ASF1A: variants seen among roughly 807,000 people sequenced by gnomAD.
ASF1A encodes anti-silencing function 1A histone chaperone.
Under a neutral mutation model 22.0 loss-of-function variants are expected in ASF1A, and 5 were observed. That is an observed-to-expected ratio of 0.23 (90% CI 0.12 to 0.48). The LOEUF is 0.48. Ranked by LOEUF, ASF1A falls within the 20% of genes least tolerant of loss-of-function variation. The pLI, the probability that ASF1A is intolerant of heterozygous loss-of-function variation, is 0.99. For missense variants in ASF1A, 137 were observed against 240.6 expected (o/e 0.57, Z 2.85); for synonymous variants, 97 against 86.7 (o/e 1.12, Z -0.66).
chr6:118,894,546 G>A (rs1341863513), intron 1 of ASF1A, 24 bp downstream of exon 1: 3 of 1,522,288 alleles, frequency 2.0e-6, no homozygotes, highest in South Asian at 2.4e-5. Flanking sequence ...CCGTGCGCCC[G>A]GGCTGTCAGT....
chr6:118,900,565 A>G (rs764197820), intron 1 of ASF1A, among the ~76,000 whole-genome samples: 1 of 152,208 alleles, frequency 6.6e-6, no homozygotes, highest in Non-Finnish European at 1.5e-5. Flanking sequence ...GTGTTTCACA[A>G]AAGAGTATTT....
At chr6:118,896,478 G>T (rs922258512) in intron 1 of ASF1A, among the ~76,000 whole-genome samples, 1 of 152,096 alleles carries the variant, frequency 6.6e-6, no homozygotes, top group Non-Finnish European at 1.5e-5. Flanking sequence ...ACATTGCATA[G>T]ATGAAACCAG....
intron 2 of ASF1A, among the ~76,000 whole-genome samples, chr6:118,901,794 AC>A (rs1779813126): frequency 6.6e-6 from 1 of 152,198 alleles, no homozygotes; most frequent in Non-Finnish European, 1.5e-5. Context: ...GTTAAGTGGA[AC>A]TCACTGAAAA....
Position 118,894,479 on chromosome 6 carries a change from C to T in ASF1A, c.66C>T (p.Phe22=), listed in dbSNP as rs959866496. The T allele has an allele frequency of 4.6e-6, 7 of 1,537,074 alleles. No individual in the cohort carries two copies. Residue 22 remains phenylalanine (F), a synonymous_variant, in exon 1 of 4, where the codon TTC becomes TTT. Transcript: ENST00000229595. ...ACCCTTCTCCTTTCTACAACCCGTT[C>T]CAGTTCGAGATCACCTTCGAGTGCA... The part of the protein sequence containing the change: ...LDNPSPFYNP[F]QFEITFECIE...
At chr6:118,901,647 A>G (rs1779803737) in intron 2 of ASF1A, among the ~76,000 whole-genome samples, 1 of 152,210 alleles carries the variant, frequency 6.6e-6, no homozygotes, top group Admixed American at 6.5e-5. Flanking sequence ...ATATGGAACC[A>G]TTCAGTTATT....
chr6:118,905,834 G>A lies in ASF1A; in HGVS notation c.402+6G>A, dbSNP rs1341504353. ...TAAAACCAGACTTTTCTAAGGTAAT[G>A]TTCTTACTATTCCTTTTTAACTACT... On this transcript the variant is annotated splice_donor_region_variant and intron_variant, in intron 3 of 3. Coordinates refer to ENST00000229595, the MANE Select transcript of ASF1A (RefSeq NM_014034.3). 8 of 1,575,200 alleles carry A rather than the reference G, an allele frequency of 5.1e-6. No homozygotes were observed. The highest frequency in any genetic ancestry group is 6.9e-6 in the Non-Finnish European group (8 of 1,156,760).
At chr6:118,896,940 CA>C (rs1297802864) in intron 1 of ASF1A, among the ~76,000 whole-genome samples, 1 of 152,078 alleles carries the variant, frequency 6.6e-6, no homozygotes, top group African/African-American at 2.4e-5. Flanking sequence ...TGGGCTTAAG[CA>C]ATCCTCCCAC....
intron 1 of ASF1A, among the ~76,000 whole-genome samples, chr6:118,899,741 A>G (rs1310851148): frequency 6.6e-6 from 1 of 152,250 alleles, no homozygotes; most frequent in Non-Finnish European, 1.5e-5. Context: ...GGGAACAAAA[A>G]TATCTACAGT....
At chr6:118,896,335 T>C (rs184491746) in intron 1 of ASF1A, among the ~76,000 whole-genome samples, 64 of 152,280 alleles carry the variant, frequency 4.2e-4, no homozygotes, top group African/African-American at 1.5e-3. Context: ...TTCCAACTTA[T>C]ACCACACTGT....
At chr6:118,896,070 A>G (rs1431652356) in intron 1 of ASF1A, among the ~76,000 whole-genome samples, 1 of 150,394 alleles carries the variant, frequency 6.6e-6, no homozygotes, top group African/African-American at 2.4e-5. Flanking sequence ...ACCTATATAG[A>G]GCATAAATGC....
intron 1 of ASF1A, among the ~76,000 whole-genome samples, chr6:118,895,911 CAA>C (rs1329030199): frequency 2.0e-5 from 3 of 151,894 alleles, no homozygotes; most frequent in African/African-American, 7.3e-5. Flanking sequence ...AATTATAAAA[CAA>C]TATATATTCA....
chr6:118,905,512 C>A (rs186869737), intron 2 of ASF1A, 140 bp from the exon 3 acceptor site: 1 of 605,262 alleles, frequency 1.7e-6, no homozygotes, highest in Non-Finnish European at 2.8e-6. Context: ...CAGAAATGAG[C>A]ATTTTCCTTC....
At chr6:118,901,148 C>T (rs1583600774) in intron 2 of ASF1A, 1 of 258,314 alleles carries the variant, frequency 3.9e-6, no homozygotes, top group East Asian at 7.5e-5. Flanking sequence ...TGTATCATGG[C>T]ACACAGGGTG....
At chr6:118,902,024 T>C (rs544925218) in intron 2 of ASF1A, among the ~76,000 whole-genome samples, 2 of 152,334 alleles carry the variant, frequency 1.3e-5, no homozygotes, top group East Asian at 3.9e-4. Context: ...TTAGTACTTT[T>C]GATTAAAAAG....
intron 2 of ASF1A, among the ~76,000 whole-genome samples, chr6:118,904,701 A>C (rs1780052453): frequency 6.6e-6 from 1 of 152,252 alleles, no homozygotes; most frequent in African/African-American, 2.4e-5. Context: ...AGCAATCCTT[A>C]CCTTCACTGG....
intron 1 of ASF1A, among the ~76,000 whole-genome samples, chr6:118,894,852 C>T (rs1000081099): frequency 6.6e-6 from 1 of 152,128 alleles, no homozygotes; most frequent in Non-Finnish European, 1.5e-5. Flanking sequence ...CGGGCTGGCT[C>T]CGCGCCGCCA....
chr6:118,901,156 G>T (rs531137536), intron 2 of ASF1A: 15 of 240,442 alleles, frequency 6.2e-5, no homozygotes, highest in Non-Finnish European at 8.0e-5. Context: ...GGCACACAGG[G>T]TGGTGAATTT....
intron 1 of ASF1A, 113 bp downstream of exon 1, chr6:118,894,635 C>A: frequency 1.0e-6 from 1 of 963,242 alleles, no homozygotes; most frequent in East Asian, 2.7e-5. Flanking sequence ...CGGCCGCGGG[C>A]TGCTCTGCGG....
chr6:118,900,931 C>A, intron 2 of ASF1A, 50 bp downstream of exon 2: 1 of 1,227,910 alleles, frequency 8.1e-7, no homozygotes, highest in Non-Finnish European at 1.2e-6. Flanking sequence ...TCGAAGTAGA[C>A]TATATTATCT....
Sources: allele counts gnomAD v4.1 joint callset (sites outside exome capture counted in the v4.1 genomes callset), GRCh38; gene constraint gnomAD v4.1.1; transcripts MANE v1.5; gene names NCBI Gene and HGNC (gene_info 2026-07-23, HGNC 2026-07-21).